TUB: variants seen among roughly 807,000 people sequenced by gnomAD.
TUB encodes the protein TUB bipartite transcription factor, also known as tubby protein homolog.
Under a neutral mutation model 59.7 loss-of-function variants are expected in TUB, and 33 were observed. The ratio of observed to expected loss-of-function variants is 0.55; its 90% confidence interval spans 0.42 to 0.74. The LOEUF is 0.74. TUB is among the 30% of genes least tolerant of loss of function. The pLI, the probability that TUB is intolerant of heterozygous loss-of-function variation, is 0.00. For synonymous variants in TUB, 293 were observed against 256.4 expected (o/e 1.14, Z -1.36); for missense variants, 659 against 672.0 (o/e 0.98, Z 0.21).
chr11:8,100,770 G>A (rs947718497), intron 10 of TUB, 56 bp from the exon 11 acceptor site: 22 of 1,602,394 alleles, frequency 1.4e-5, no homozygotes, highest in Middle Eastern at 3.5e-4. Flanking sequence ...ATCCCTTTCT[G>A]GGGTGGTCAT....
chr11:8,031,149 A>C (rs577262675), intron 1 of TUB, among the ~76,000 whole-genome samples: 3 of 152,284 alleles, frequency 2.0e-5, no homozygotes, highest in African/African-American at 7.2e-5. Context: ...AGCCATGTAG[A>C]TGTGTCCCAG....
rs754956594 is a variant in TUB, at chr11:8,096,751, C to T, written c.632C>T (p.Ser211Phe). 7.4e-6 allele frequency: 12 copies of T among 1,614,152 alleles called. No homozygotes were observed. Among genetic ancestry groups the T allele is most frequent in the Non-Finnish European group, 1.0e-5 (12 of 1,180,006 alleles). ...EDEEENSSSS[S>F]QLNSNTRPSS... ...GAGGAGGAGAATAGCTCCAGCTCCTCCCAGCTAAATAGTAACACCCGCCCC... is the reference window on the plus strand; with the variant it reads ...GAGGAGGAGAATAGCTCCAGCTCCTTCCAGCTAAATAGTAACACCCGCCCC... Residue 211 changes from serine to phenylalanine, a missense_variant, in exon 6 of 12, where the codon TCC (serine) becomes TTC (phenylalanine). Physicochemically the swap from Ser to Phe is radical, Grantham distance 155 (BLOSUM62 -2). This residue lies in a region of TUB where 321 missense variants were observed against 304.3 expected (regional missense o/e 1.05). Transcript: ENST00000299506.
chr11:8,020,911 AAGAT>A (rs1328637295), intron 1 of TUB, among the ~76,000 whole-genome samples: 4 of 152,352 alleles, frequency 2.6e-5, no homozygotes, highest in African/African-American at 4.8e-5. Context: ...AGGCGATAAA[AAGAT>A]AGAATTTCCT....
At chr11:8,023,255 G>C (rs1942456221) in intron 1 of TUB, among the ~76,000 whole-genome samples, 1 of 152,204 alleles carries the variant, frequency 6.6e-6, no homozygotes, top group African/African-American at 2.4e-5. Context: ...CCTTGTATTA[G>C]TCAAAGTCAG....
rs1943888314 is a variant in TUB, at chr11:8,094,301, G to C, written c.397+112G>C. On this transcript the variant is annotated intron_variant, in intron 4 of 11. Transcript: ENST00000299506. ...GAGGGATAGGATGAACAGCCTCAGG[G>C]AAGACACAGACTGCCACTCTGGGCA... 3.3e-5 allele frequency: 45 copies of C among 1,360,450 alleles called. No individual in the cohort carries two copies. The South Asian group carries it at 6.6e-4, about 20-fold the overall frequency. The allele number at this position is 1,360,450 out of a possible 1,614,324, so 84.3% of individuals were successfully genotyped here.
At position 8,049,604 on chromosome 11, in the gene TUB, T is replaced by TAGATAGATACAC. The variant is rs1554923472; in HGVS notation, c.203+9913_203+9914insGATAGATACACA. On this transcript the variant is annotated intron_variant, in intron 2 of 12. Transcript: ENST00000305253. ...ATAGATAGATAGATAGATAGATAGATACACACACACATACATATAAAATAA... is the reference window on the plus strand; with the variant it reads ...ATAGATAGATAGATAGATAGATAGATAGATAGATACACACACACACACATACATATAAAATAA... Among the ~76,000 whole-genome samples the TAGATAGATACAC allele has an allele frequency of 3.2e-3, 474 of 146,606 alleles. 5 individuals carry two copies. Among genetic ancestry groups the TAGATAGATACAC allele is most frequent in the African/African-American group, 0.011 (446 of 39,298 alleles).
At chr11:8,046,204 T>C (rs1315218554) in intron 2 of TUB, among the ~76,000 whole-genome samples, 1 of 152,222 alleles carries the variant, frequency 6.6e-6, no homozygotes, top group East Asian at 1.9e-4. Flanking sequence ...TTGTTTGTTC[T>C]CTTTCCTCAG....
chr11:8,048,391 G>T (rs571667550), intron 2 of TUB, among the ~76,000 whole-genome samples: 1 of 152,176 alleles, frequency 6.6e-6, no homozygotes, highest in African/African-American at 2.4e-5. Context: ...TTTTTGTTTT[G>T]TTTGTTTTCT....
At position 8,101,480 on chromosome 11, in the gene TUB, C is replaced by G. The variant is rs772662118; in HGVS notation, c.1388-6C>G. 1 of 1,614,134 alleles carries G rather than the reference C, an allele frequency of 6.2e-7. No individual in the cohort carries two copies. The highest frequency in any genetic ancestry group is 8.5e-7 in the Non-Finnish European group (1 of 1,180,000). ...TTTCTCTGTCTGTGCCTGTGCTTGG[C>G]CCCAGCGGACTACATCGTGATGCAG... On this transcript the variant is annotated splice_polypyrimidine_tract_variant and splice_region_variant and intron_variant, in intron 11 of 11. Coordinates refer to ENST00000299506, the MANE Select transcript of TUB (RefSeq NM_177972.3).
At chr11:8,099,256 A>G (rs1944147883) in intron 9 of TUB, among the ~76,000 whole-genome samples, 1 of 152,124 alleles carries the variant, frequency 6.6e-6, no homozygotes, top group South Asian at 2.1e-4. Flanking sequence ...TGAACGTTCA[A>G]CCTAAGAGGT....
intron 1 of TUB, among the ~76,000 whole-genome samples, chr11:8,089,388 G>T (rs892167970): frequency 6.6e-6 from 1 of 152,170 alleles, no homozygotes; most frequent in African/African-American, 2.4e-5. Context: ...GGGAAACAGG[G>T]GTCCTAGCAG....
intron 1 of TUB, among the ~76,000 whole-genome samples, chr11:8,020,741 G>GA (rs1226759235): frequency 1.3e-5 from 2 of 152,074 alleles, no homozygotes; most frequent in Non-Finnish European, 2.9e-5. Context: ...CTGCCTTTTT[G>GA]AAAAGTGGTG....
intron 1 of TUB, among the ~76,000 whole-genome samples, chr11:8,083,761 G>A (rs1197441319): frequency 3.3e-5 from 5 of 152,094 alleles, no homozygotes; most frequent in Non-Finnish European, 7.4e-5. Flanking sequence ...CCACCTCCTC[G>A]TTCTGTTGTA....
At chr11:8,072,856 C>CA (rs1373394505) in intron 2 of TUB, among the ~76,000 whole-genome samples, 1 of 152,072 alleles carries the variant, frequency 6.6e-6, no homozygotes, top group Admixed American at 6.5e-5. Flanking sequence ...AATGCTAACA[C>CA]AAAAAACAAT....
Position 8,021,147 on chromosome 11 carries a change from T to TG in TUB, c.56+1793dup, listed in dbSNP as rs574727782. ...TACTTCTCCCTGGGCCACAGTTTCTTGGGGAAGTGTTGTGAGTATTAAATG... is the reference window on the plus strand; with the variant it reads ...TACTTCTCCCTGGGCCACAGTTTCTTGGGGGAAGTGTTGTGAGTATTAAATG... On this transcript the variant is annotated intron_variant, in intron 1 of 11. Transcript: ENST00000534099. 1.6e-4 allele frequency among the ~76,000 whole-genome samples: 25 copies of TG among 152,290 alleles called. No homozygotes were observed. In the East Asian group the frequency reaches 4.4e-3, roughly 27 times the overall value.
At chr11:8,020,083 G>A (rs932541848) in intron 1 of TUB, among the ~76,000 whole-genome samples, 6 of 152,266 alleles carry the variant, frequency 3.9e-5, no homozygotes, top group African/African-American at 1.4e-4. Context: ...TCATAAAGCC[G>A]AGTACATTTA....
upstream of TUB, among the ~76,000 whole-genome samples, chr11:8,081,069 C>G (rs1482859472): frequency 6.7e-6 from 1 of 149,176 alleles, no homozygotes; most frequent in Non-Finnish European, 1.5e-5. Flanking sequence ...CGCGGTCACG[C>G]GCATGGAGCG....
Position 8,105,311 on chromosome 11 carries a change from G to C in TUB, c.*3692G>C, listed in dbSNP as rs1327024455. 6.6e-6 allele frequency: 1 copy of C among 152,226 alleles called. No homozygotes were observed. The highest frequency in any genetic ancestry group is 1.5e-5 in the Non-Finnish European group (1 of 68,048). The allele number at this position is 152,226 out of a possible 1,614,324, so 9.4% of individuals were successfully genotyped here. On this transcript the variant is annotated 3_prime_UTR_variant, in exon 12 of 12. Transcript: ENST00000299506. ...CTTTCACTGTGACTGGGACCTGAAT[G>C]ACCTGCAGTCAGGGCCCAGAGTTGG...
At chr11:8,030,396 C>T (rs896443909) in intron 1 of TUB, among the ~76,000 whole-genome samples, 1 of 152,154 alleles carries the variant, frequency 6.6e-6, no homozygotes, top group Non-Finnish European at 1.5e-5. Context: ...GATTCTGGCC[C>T]AGCATGTGCT....
Sources: allele counts gnomAD v4.1 joint callset (sites outside exome capture counted in the v4.1 genomes callset), GRCh38; gene constraint gnomAD v4.1.1; regional missense constraint gnomAD v4.1.1; transcripts MANE v1.5; gene names NCBI Gene and HGNC (gene_info 2026-07-23, HGNC 2026-07-21).